The following BANP variants were observed in gnomAD, a reference collection of about 807,000 sequenced individuals.
BANP encodes the protein BTG3 associated nuclear protein, also known as protein BANP.
Under a neutral mutation model 68.1 loss-of-function variants are expected in BANP, and 11 were observed. The ratio of observed to expected loss-of-function variants is 0.16; its 90% CI spans 0.10 to 0.27. The LOEUF is 0.27. Ranked by LOEUF, BANP falls within the 10% of genes least tolerant of loss-of-function variation. The probability of loss-of-function intolerance (pLI) is 1.00; values close to 1 mark genes in which losing one functional copy is unlikely to be tolerated. For missense variants in BANP, 504 were observed against 722.7 expected, an observed-to-expected ratio of 0.70 and a Z score of 3.47; for synonymous variants, 329 against 303.2, an observed-to-expected ratio of 1.09 and a Z score of -0.88.
At chr16:88,044,801 G>A (rs373847809) in intron 11 of BANP, among the ~76,000 whole-genome samples, 1 of 152,190 alleles carries the variant, frequency 6.6e-6, no homozygotes, top group Non-Finnish European at 1.5e-5. Context: ...GGCTAACACG[G>A]TGAAACCCCT....
intron 2 of BANP, among the ~76,000 whole-genome samples, chr16:87,979,570 G>A (rs145934791): frequency 1.2e-3 from 185 of 152,254 alleles, no homozygotes; most frequent in African/African-American, 3.9e-3. Flanking sequence ...CCAGCAGAGC[G>A]GGGCAGGTGT....
chr16:88,030,870 T>G (rs1443535659), intron 8 of BANP, among the ~76,000 whole-genome samples: 1 of 152,136 alleles, frequency 6.6e-6, no homozygotes, highest in Non-Finnish European at 1.5e-5. Context: ...ATGGTGGCAG[T>G]GGGCTGGAAA....
intron 8 of BANP, among the ~76,000 whole-genome samples, chr16:88,032,037 G>A (rs1025232574): frequency 6.6e-6 from 1 of 151,796 alleles, no homozygotes; most frequent in Non-Finnish European, 1.5e-5. Context: ...CTCCTGACCT[G>A]AAGTGATCTT....
At chr16:88,075,574 C>T (rs1201984560) in intron 13 of BANP, among the ~76,000 whole-genome samples, 3 of 152,122 alleles carry the variant, frequency 2.0e-5, no homozygotes, top group South Asian at 2.1e-4. Context: ...TGGGCTCGGC[C>T]GTGGGCTCGT....
intron 7 of BANP, among the ~76,000 whole-genome samples, chr16:88,020,755 G>T (rs905941319): frequency 1.3e-5 from 2 of 152,230 alleles, no homozygotes; most frequent in African/African-American, 4.8e-5. Context: ...CCTTGGATGT[G>T]AAGCTGGAGG....
At chr16:87,965,447 G>A (rs1191933755) in intron 1 of BANP, among the ~76,000 whole-genome samples, 1 of 152,072 alleles carries the variant, frequency 6.6e-6, no homozygotes, top group East Asian at 1.9e-4. Context: ...GGGTGTGCAA[G>A]GGTGATGCTG....
At chr16:87,999,371 C>T (rs1398944648) in intron 4 of BANP, among the ~76,000 whole-genome samples, 23 of 143,072 alleles carry the variant, frequency 1.6e-4, no homozygotes, top group Middle Eastern at 3.8e-3. Context: ...CTTCCAGACA[C>T]GTCTCCATGC....
intron 11 of BANP, among the ~76,000 whole-genome samples, chr16:88,052,669 A>G (rs915704341): frequency 1.3e-4 from 20 of 151,812 alleles, no homozygotes; most frequent in Non-Finnish European, 2.6e-4. Flanking sequence ...AACCACCCTA[A>G]CAACTGCTAT....
At position 88,036,282 on chromosome 16, in the gene BANP, G is replaced by C. The variant is rs2079332035; in HGVS notation, c.1272+888G>C. On this transcript the variant is annotated intron_variant, in intron 10 of 13. Transcript: ENST00000682872. The surrounding 1 kb of genome is among the most constrained non-coding windows in gnomAD (Gnocchi z 4.2). ...TAGTGTGTCGCTGCAAAGATCTCAG[G>C]CTTCCCCACACACACCAGCAGCAGA... is the stretch of plus-strand genomic sequence containing the variant. Among the ~76,000 whole-genome samples the C allele has an allele frequency of 6.6e-6, 1 of 152,196 alleles. No individual in the cohort carries two copies. Among genetic ancestry groups the C allele is most frequent in the Admixed American group, 6.5e-5 (1 of 15,288 alleles).
At chr16:88,073,170 G>A (rs4075998) in intron 13 of BANP, among the ~76,000 whole-genome samples, 33,730 of 152,204 alleles carry the variant, frequency 0.22, 3,982 homozygotes, top group South Asian at 0.28. Flanking sequence ...AAGTGGGCTC[G>A]GTAGAGCTCA....
Position 88,035,306 on chromosome 16 carries a change from G to A in BANP, c.1201-17G>A, listed in dbSNP as rs1457553059. ...TGATTTTCTTCTGATGCTTCTTGGT[G>A]TCTTTTCTTGCTGCGGATCCCACAG... On this transcript the variant is annotated splice_polypyrimidine_tract_variant and intron_variant, in intron 9 of 13. Coordinates refer to ENST00000682872, the MANE Select transcript of BANP (RefSeq NM_001386991.1). 1 of 1,599,170 alleles carries A rather than the reference G, an allele frequency of 6.3e-7. No individual in the cohort carries two copies. The highest frequency in any genetic ancestry group is 8.5e-7 in the Non-Finnish European group (1 of 1,172,740).
intron 11 of BANP, among the ~76,000 whole-genome samples, chr16:88,045,852 G>T (rs905920659): frequency 1.3e-5 from 2 of 152,154 alleles, no homozygotes; most frequent in Non-Finnish European, 2.9e-5. Context: ...AGTGTCTGTC[G>T]TCTTGGGATT....
rs961865597 is a variant in BANP at position 88,071,407 on chromosome 16, G to A, written c.1378-662G>A. 6.7e-6 allele frequency: 3 copies of A among 449,742 alleles called. No homozygotes were observed. The highest frequency in any genetic ancestry group is 1.3e-5 in the Non-Finnish European group (3 of 222,954). 27.9% of individuals were successfully genotyped at this position (449,742 alleles called of 1,614,324 possible). A position where few individuals can be genotyped will look rare whatever the true frequency, so the allele number is the denominator to read the frequency against. On this transcript the variant is annotated intron_variant, in intron 12 of 13. Coordinates refer to ENST00000682872, the MANE Select transcript of BANP (RefSeq NM_001386991.1). The surrounding 1 kb of genome is among the most constrained non-coding windows in gnomAD (Gnocchi z 6.5). ...GCTTACAGGCGATGGGGTCACCAGA[G>A]CCCACCCAGGGGCCTCGCCTGTCCC...
intron 2 of BANP, chr16:87,978,642 G>A (rs1479611270): frequency 2.1e-6 from 1 of 470,134 alleles, no homozygotes; most frequent in South Asian, 1.5e-5. Context: ...GCCGTGTGCT[G>A]TACTCAAGGG....
chr16:87,977,552 T>C (rs967341870), intron 2 of BANP, among the ~76,000 whole-genome samples: 22 of 152,214 alleles, frequency 1.4e-4, no homozygotes, highest in African/African-American at 5.1e-4. Context: ...GCATTCATAG[T>C]GGGTTTAAAG....
intron 9 of BANP, among the ~76,000 whole-genome samples, chr16:88,033,955 C>A (rs145030958): frequency 6.6e-6 from 1 of 152,190 alleles, no homozygotes; most frequent in Admixed American, 6.5e-5. Context: ...ATTTTACATG[C>A]ACCACTAGAC....
At chr16:88,047,988 C>T (rs553768348) in intron 11 of BANP, among the ~76,000 whole-genome samples, 2 of 152,360 alleles carry the variant, frequency 1.3e-5, no homozygotes, top group East Asian at 3.9e-4. Flanking sequence ...GGGCTGTCCC[C>T]TGGGGAGGGC....
At chr16:88,028,971 C>G (rs1010303469) in intron 8 of BANP, among the ~76,000 whole-genome samples, 2 of 152,102 alleles carry the variant, frequency 1.3e-5, no homozygotes, top group East Asian at 1.9e-4. Context: ...TCAGTTATTT[C>G]CAATAAGCAC....
At chr16:88,016,561 G>A (rs1157734199) in intron 6 of BANP, among the ~76,000 whole-genome samples, 5 of 152,206 alleles carry the variant, frequency 3.3e-5, no homozygotes, top group Non-Finnish European at 7.3e-5. Context: ...GCTTAGATGC[G>A]GAGCTTTAGA....
Sources: gnomAD v4.1 joint callset for allele counts (sites outside exome capture counted in the v4.1 genomes callset) on GRCh38, gnomAD v4.1.1 for gene constraint, Gnocchi (gnomAD v3.1) non-coding constraint, MANE v1.5 for transcripts, NCBI Gene and HGNC (gene_info 2026-07-23, HGNC 2026-07-21) for gene names.